Variants in DDX10 observed in about 807,000 individuals in gnomAD.
The protein encoded by DDX10 is DEAD-box helicase 10.
Under a neutral mutation model 104.3 loss-of-function variants are expected in DDX10, and 74 were observed. The observed-to-expected ratio is 0.71, with a 90% CI of 0.59 to 0.86. DDX10 has a LOEUF of 0.86. Among genes scored for constraint, DDX10 ranks in the 40% least tolerant of loss-of-function variants. DDX10 has a pLI of 0.00. For missense variants in DDX10, 952 were observed against 1,040.0 expected, an observed-to-expected ratio of 0.92 and a Z score of 1.16; for synonymous variants, 351 against 353.4, an observed-to-expected ratio of 0.99 and a Z score of 0.08.
At chr11:108,717,991 T>C (rs1258754476) in intron 11 of DDX10, among the ~76,000 whole-genome samples, 1 of 152,182 alleles carries the variant, frequency 6.6e-6, no homozygotes, top group African/African-American at 2.4e-5. Flanking sequence ...AAACCCTGTC[T>C]CTACTAAAAA....
At chr11:108,791,469 A>G (rs565631341) in intron 13 of DDX10, among the ~76,000 whole-genome samples, 1 of 152,368 alleles carries the variant, frequency 6.6e-6, no homozygotes, top group Non-Finnish European at 1.5e-5. Context: ...AGTGAGCTAT[A>G]AGGTATGTAT....
At chr11:108,893,470 C>T (rs1863401915) in intron 16 of DDX10, among the ~76,000 whole-genome samples, 1 of 151,790 alleles carries the variant, frequency 6.6e-6, no homozygotes, top group Non-Finnish European at 1.5e-5. Flanking sequence ...TAAATATGTG[C>T]TAGACATTGT....
rs2134610651 is a variant in DDX10 at position 108,857,811 on chromosome 11, A to G, written c.2304+5602A>G. 2.0e-5 allele frequency among the ~76,000 whole-genome samples: 3 copies of G among 152,360 alleles called. No individual in the cohort carries two copies. In the South Asian group the frequency reaches 6.2e-4, roughly 32 times the overall value. On this transcript the variant is annotated intron_variant, in intron 16 of 17. Coordinates refer to ENST00000322536, the MANE Select transcript of DDX10 (RefSeq NM_004398.4). The stretch of plus-strand genomic sequence containing the variant: ...TTAGGCCATAGGTCATTTCCGAGGT[A>G]GTCAAGAATATTCAATTTGAGAGTC...
chr11:108,719,104 G>GTTT lies in DDX10; in HGVS notation c.1411-675_1411-673dup, dbSNP rs36015980. ...TTTGTGTAACTCTAGTATGAAGATA[G>GTTT]TTTTTTTTTTTTTTTTTTTTAACAG... On this transcript the variant is annotated intron_variant, in intron 11 of 17. Coordinates refer to ENST00000322536, the MANE Select transcript of DDX10 (RefSeq NM_004398.4). Among the ~76,000 whole-genome samples the GTTT allele has an allele frequency of 7.5e-3, 973 of 129,470 alleles. 15 individuals carry two copies. The highest frequency in any genetic ancestry group is 0.025 in the African/African-American group (849 of 33,964). The allele number at this position is 129,470 out of a possible 152,430, so 84.9% of individuals were successfully genotyped here.
chr11:108,905,798 C>T (rs1184612277), intron 16 of DDX10, among the ~76,000 whole-genome samples: 1 of 152,110 alleles, frequency 6.6e-6, no homozygotes, highest in Non-Finnish European at 1.5e-5. Context: ...GCAGGCTATA[C>T]AGGAAGCATA....
chr11:108,835,433 C>T (rs888765841), intron 13 of DDX10, among the ~76,000 whole-genome samples: 2 of 152,084 alleles, frequency 1.3e-5, no homozygotes, highest in African/African-American at 4.8e-5. Flanking sequence ...AATCTGTTGT[C>T]GTAGAAGTCT....
At chr11:108,818,969 CTT>C (rs974638274) in intron 13 of DDX10, among the ~76,000 whole-genome samples, 21 of 152,174 alleles carry the variant, frequency 1.4e-4, no homozygotes, top group African/African-American at 4.8e-4. Context: ...ATTTTCCTAA[CTT>C]AACGTTGATG....
At chr11:108,782,325 C>A (rs1303783041) in intron 13 of DDX10, among the ~76,000 whole-genome samples, 2 of 152,272 alleles carry the variant, frequency 1.3e-5, no homozygotes, top group East Asian at 3.9e-4. Context: ...TCTATCAATT[C>A]ATTTAGCTAT....
chr11:108,778,723 A>G (rs983415419), intron 13 of DDX10, among the ~76,000 whole-genome samples: 5 of 152,254 alleles, frequency 3.3e-5, no homozygotes, highest in African/African-American at 7.2e-5. Flanking sequence ...GAGCTTCTGC[A>G]TAGCAAAATA....
intron 9 of DDX10, among the ~76,000 whole-genome samples, chr11:108,702,132 A>G (rs2094269217): frequency 6.6e-6 from 1 of 152,214 alleles, no homozygotes. Context: ...ATTAGGATGT[A>G]TGTTAAATAA....
At chr11:108,877,995 C>A (rs1411266058) in intron 16 of DDX10, among the ~76,000 whole-genome samples, 1 of 152,122 alleles carries the variant, frequency 6.6e-6, no homozygotes, top group Non-Finnish European at 1.5e-5. Flanking sequence ...TTAGTGATTT[C>A]TTTTTCCCTC....
chr11:108,772,126 G>C (rs1244838224), intron 13 of DDX10, among the ~76,000 whole-genome samples: 1 of 152,238 alleles, frequency 6.6e-6, no homozygotes. Context: ...CTATGCAGCA[G>C]AAGTGCTTTA....
At chr11:108,821,467 C>A (rs1403049149) in intron 13 of DDX10, among the ~76,000 whole-genome samples, 1 of 151,816 alleles carries the variant, frequency 6.6e-6, no homozygotes, top group Admixed American at 6.6e-5. Flanking sequence ...TGATGATTTA[C>A]TAAAGAAGTA....
At chr11:108,802,096 C>T (rs1225492625) in intron 13 of DDX10, among the ~76,000 whole-genome samples, 2 of 151,412 alleles carry the variant, frequency 1.3e-5, no homozygotes, top group African/African-American at 2.4e-5. Context: ...CCAGAAAACT[C>T]AGGAGTATGT....
chr11:108,836,023 C>G (rs7114856), intron 13 of DDX10, among the ~76,000 whole-genome samples: 17 of 152,318 alleles, frequency 1.1e-4, no homozygotes, highest in African/African-American at 3.8e-4. Context: ...CAGAATTGGT[C>G]TCAGGTTCCC....
intron 13 of DDX10, among the ~76,000 whole-genome samples, chr11:108,810,129 C>G (rs1228830482): frequency 1.3e-5 from 2 of 152,094 alleles, no homozygotes; most frequent in African/African-American, 4.8e-5. Context: ...AATAGATGGA[C>G]AATTTCACTA....
chr11:108,835,929 T>C (rs1469309309), intron 13 of DDX10, among the ~76,000 whole-genome samples: 4 of 152,126 alleles, frequency 2.6e-5, no homozygotes, highest in Admixed American at 2.6e-4. Context: ...CTTTAGGAAG[T>C]TTCAGAAAGT....
At chr11:108,679,263 T>C (rs1293132108) in intron 5 of DDX10, 108 bp from the exon 6 acceptor site, 1 of 930,350 alleles carries the variant, frequency 1.1e-6, no homozygotes, top group Non-Finnish European at 1.6e-6. Context: ...TACCAGTTTT[T>C]CCGCTAATGT....
At chr11:108,679,256 C>T in intron 5 of DDX10, 115 bp from the exon 6 acceptor site, 1 of 861,490 alleles carries the variant, frequency 1.2e-6, no homozygotes. Context: ...CAGGTTTTAC[C>T]AGTTTTTCCG....
Sources: gnomAD v4.1 joint callset for allele counts (sites outside exome capture counted in the v4.1 genomes callset) on GRCh38, gnomAD v4.1.1 for gene constraint, MANE v1.5 for transcripts, NCBI Gene and HGNC (gene_info 2026-07-23, HGNC 2026-07-21) for gene names.